CD226: variants seen among roughly 807,000 people sequenced by gnomAD.
The protein encoded by CD226 is CD226 molecule, also known as CD226 antigen.
A neutral mutation model predicts 34.9 loss-of-function variants in CD226; 24 were observed. That is an observed-to-expected ratio of 0.69 (90% confidence interval 0.50 to 0.97). The LOEUF (loss-of-function observed/expected upper bound fraction) is 0.97. Among genes scored for constraint, CD226 ranks in the 50% least tolerant of loss-of-function variants. The probability of loss-of-function intolerance (pLI) is 0.00; values close to 1 mark genes in which losing one functional copy is unlikely to be tolerated. For missense variants in CD226, 397 were observed against 412.7 expected (o/e 0.96, Z 0.33); for synonymous variants, 148 against 147.4 (o/e 1.00, Z -0.03).
In CD226 at chr18:69,923,609, G is replaced by A. The variant is rs141529222; in HGVS notation, c.382+23125C>T. On this transcript the variant is annotated intron_variant, in intron 2 of 5. Coordinates refer to ENST00000582621, the MANE Select transcript of CD226 (RefSeq NM_001303618.2). ...ATTAATGGGAAACTTGCAAGAAAGTGACAACCTCGATAGAAGTGACACATC... is the reference window on the plus strand; with the variant it reads ...ATTAATGGGAAACTTGCAAGAAAGTAACAACCTCGATAGAAGTGACACATC... 3.6e-3 allele frequency among the ~76,000 whole-genome samples: 546 copies of A among 152,282 alleles called. 7 individuals carry two copies. The highest frequency in any genetic ancestry group is 0.012 in the African/African-American group (513 of 41,568).
intron 2 of CD226, among the ~76,000 whole-genome samples, chr18:69,903,728 G>A (rs1343037632): frequency 2.0e-5 from 3 of 152,078 alleles, no homozygotes; most frequent in African/African-American, 7.2e-5. Context: ...AGCCAAGGAA[G>A]GCCAAAGATT....
chr18:69,928,766 A>G (rs956135630), intron 2 of CD226, among the ~76,000 whole-genome samples: 3 of 152,244 alleles, frequency 2.0e-5, no homozygotes, highest in African/African-American at 7.2e-5. Context: ...GGAGCATTTC[A>G]GATTTCAGAT....
chr18:69,867,477 C>A, intron 4 of CD226, 66 bp from the exon 5 acceptor site: 1 of 1,017,822 alleles, frequency 9.8e-7, no homozygotes, highest in Non-Finnish European at 1.6e-6. Flanking sequence ...ATTTCGAAGA[C>A]TCTATACCTC....
chr18:69,954,247 A>C (rs537077193), intron 1 of CD226, among the ~76,000 whole-genome samples: 5 of 152,336 alleles, frequency 3.3e-5, no homozygotes, highest in African/African-American at 1.2e-4. Flanking sequence ...GTACATTAGC[A>C]TAGTACAGTC....
At chr18:69,865,748 C>T (rs1322905925) in intron 5 of CD226, among the ~76,000 whole-genome samples, 2 of 152,120 alleles carry the variant, frequency 1.3e-5, no homozygotes, top group Non-Finnish European at 2.9e-5. Context: ...AAAAGTTAAA[C>T]TGATAAATTA....
Position 69,860,387 on chromosome 18 carries a change from A to G in CD226, c.*3927T>C, listed in dbSNP as rs1599363305. On this transcript the variant is annotated 3_prime_UTR_variant, in exon 6 of 6. Transcript: ENST00000582621. The stretch of plus-strand genomic sequence containing the variant: ...CCATATAACTTATTCTAACAAGGAT[A>G]ATACGAAATAAACCAGAATTATCCC... The G allele has an allele frequency of 6.6e-6, 1 of 152,358 alleles. No homozygotes were observed. The highest frequency in any genetic ancestry group is 1.9e-4 in the East Asian group (1 of 5,184). The allele number at this position is 152,358 out of a possible 1,614,324, so 9.4% of individuals were successfully genotyped here.
chr18:69,910,675 T>C (rs2055312868), intron 2 of CD226, among the ~76,000 whole-genome samples: 1 of 152,198 alleles, frequency 6.6e-6, no homozygotes. Context: ...AACGGTAGTA[T>C]ACTAGTTTCA....
chr18:69,940,149 C>T (rs920656786), intron 2 of CD226, among the ~76,000 whole-genome samples: 11 of 152,186 alleles, frequency 7.2e-5, no homozygotes, highest in African/African-American at 2.4e-4. Flanking sequence ...CTTCTCCCTG[C>T]TACCATGTGA....
At position 69,864,282 on chromosome 18, in the gene CD226, T is replaced by TCATTAC; in HGVS notation, c.*26_*31dup. ...AGATCCATGCATGAGTACATAAGAG[T>TCATTAC]CATTACTAATGCACTCATGTCAAGA... On this transcript the variant is annotated 3_prime_UTR_variant, in exon 6 of 6. Transcript: ENST00000582621. 1 of 1,609,512 alleles carries TCATTAC rather than the reference T, an allele frequency of 6.2e-7. No homozygotes were observed. The highest frequency in any genetic ancestry group is 8.5e-7 in the Non-Finnish European group (1 of 1,176,448).
chr18:69,929,095 G>C (rs1035661979), intron 2 of CD226, among the ~76,000 whole-genome samples: 21 of 152,186 alleles, frequency 1.4e-4, no homozygotes, highest in African/African-American at 5.1e-4. Flanking sequence ...GAAGAGTGGG[G>C]ATTGTGGGTG....
intron 2 of CD226, among the ~76,000 whole-genome samples, chr18:69,940,594 T>C (rs111513661): frequency 5.2e-5 from 7 of 135,008 alleles, no homozygotes; most frequent in African/African-American, 1.9e-4. Context: ...TGCAAAGAGT[T>C]TGGTGGCATT....
At chr18:69,930,794 G>T (rs189806695) in intron 2 of CD226, among the ~76,000 whole-genome samples, 2 of 152,308 alleles carry the variant, frequency 1.3e-5, no homozygotes, top group African/African-American at 4.8e-5. Flanking sequence ...AATTCCCATA[G>T]TACAGGTGCT....
intron 3 of CD226, among the ~76,000 whole-genome samples, chr18:69,876,107 A>T (rs1983848699): frequency 6.6e-6 from 1 of 152,210 alleles, no homozygotes; most frequent in African/African-American, 2.4e-5. Context: ...TTAAAAAAAA[A>T]TTTAAAGCAA....
chr18:69,949,458 C>G (rs1320249489), upstream of CD226, among the ~76,000 whole-genome samples: 2 of 152,152 alleles, frequency 1.3e-5, no homozygotes, highest in Admixed American at 6.5e-5. Flanking sequence ...CAGGCACCAG[C>G]AAAAATCAAA....
intron 2 of CD226, among the ~76,000 whole-genome samples, chr18:69,897,166 T>G (rs1354491990): frequency 6.6e-6 from 1 of 152,222 alleles, no homozygotes; most frequent in East Asian, 1.9e-4. Flanking sequence ...GTGGTATGCA[T>G]GCTTGAAAAT....
rs1982765939 is a variant in CD226 at position 69,860,669 on chromosome 18, C to G, written c.*3645G>C. On this transcript the variant is annotated 3_prime_UTR_variant, in exon 6 of 6. Transcript: ENST00000582621. ...GCCCAGAGTCTTGGCTGGAAGAACTCTAATGAACAGATCAGTGAAAAAATA... is the reference window on the plus strand; with the variant it reads ...GCCCAGAGTCTTGGCTGGAAGAACTGTAATGAACAGATCAGTGAAAAAATA... 6.6e-6 allele frequency: 1 copy of G among 152,028 alleles called. No homozygotes were observed. Among genetic ancestry groups the G allele is most frequent in the Non-Finnish European group, 1.5e-5 (1 of 67,988 alleles). 9.4% of individuals were successfully genotyped at this position (152,028 alleles called of 1,614,324 possible). A position where few individuals can be genotyped will look rare whatever the true frequency, so the allele number is the denominator to read the frequency against.
At chr18:69,866,426 G>A (rs528844046) in intron 5 of CD226, among the ~76,000 whole-genome samples, 1 of 152,174 alleles carries the variant, frequency 6.6e-6, no homozygotes, top group East Asian at 1.9e-4. Context: ...AAACACTAAG[G>A]GGCAGCAGCA....
intron 3 of CD226, among the ~76,000 whole-genome samples, chr18:69,886,719 A>C (rs1984580177): frequency 1.3e-5 from 2 of 151,972 alleles, no homozygotes; most frequent in Admixed American, 1.3e-4. Context: ...AAAAAAATAA[A>C]AATAAAAATA....
intron 3 of CD226, among the ~76,000 whole-genome samples, chr18:69,874,812 A>T (rs919007961): frequency 2.0e-5 from 3 of 152,226 alleles, no homozygotes; most frequent in Non-Finnish European, 1.5e-5. Flanking sequence ...TCCACAAATA[A>T]GTGAAGTCAT....
Sources: gnomAD v4.1 joint callset for allele counts (sites outside exome capture counted in the v4.1 genomes callset) on GRCh38, gnomAD v4.1.1 for gene constraint, MANE v1.5 for transcripts, NCBI Gene and HGNC (gene_info 2026-07-23, HGNC 2026-07-21) for gene names.